The following HEBP2 variants were observed in gnomAD, a reference collection of about 807,000 sequenced individuals.
The protein encoded by HEBP2 is heme binding protein 2.
Under a neutral mutation model 23.1 loss-of-function variants are expected in HEBP2, and 27 were observed. The observed-to-expected ratio is 1.17, with a 90% CI of 0.86 to 1.61. HEBP2 has a LOEUF of 1.61. Ranked by LOEUF, HEBP2 falls within the 40% of genes most tolerant of loss-of-function variation. The pLI is 0.00. For synonymous variants in HEBP2, 99 were observed against 95.1 expected (o/e 1.04, Z -0.24); for missense variants, 245 against 253.8 (o/e 0.97, Z 0.24).
chr6:138,403,802 G>A (rs1171401186), upstream of HEBP2: 9 of 401,068 alleles, frequency 2.2e-5, no homozygotes, highest in East Asian at 3.2e-4. Context: ...GGGTCCTGTC[G>A]GGGAAAAGTT....
chr6:138,412,856 G>A (rs776256693), intron 3 of HEBP2, 24 bp from the exon 4 acceptor site: 7 of 1,593,604 alleles, frequency 4.4e-6, no homozygotes, highest in Middle Eastern at 1.9e-4. Context: ...AATCATTCAC[G>A]GTTATTTCCT....
At chr6:138,412,844 A>T in intron 3 of HEBP2, 36 bp from the exon 4 acceptor site, 1 of 1,565,802 alleles carries the variant, frequency 6.4e-7, no homozygotes, top group Non-Finnish European at 8.8e-7. Flanking sequence ...CATCAGTATT[A>T]AAATCATTCA....
chr6:138,405,363 A>G, intron 2 of HEBP2, 83 bp downstream of exon 2: 2 of 1,517,602 alleles, frequency 1.3e-6, no homozygotes, highest in Admixed American at 2.0e-5. Flanking sequence ...TTAAAGAAAT[A>G]TCCTTTATAA....
At position 138,411,646 on chromosome 6, in the gene HEBP2, A is replaced by T. The variant is rs563447519; in HGVS notation, c.420-1234A>T. ...TCCTCAACGCTCCCACAACACTTTG[A>T]TCCTGTCCCTGTTTAAAACCCTTCT... On this transcript the variant is annotated intron_variant, in intron 3 of 3. Transcript: ENST00000607197. Among the ~76,000 whole-genome samples the T allele has an allele frequency of 1.8e-4, 28 of 152,270 alleles. No individual in the cohort carries two copies. In the South Asian group the frequency reaches 5.2e-3, roughly 28 times the overall value.
rs1271398980 is a variant in HEBP2 at position 138,416,043 on chromosome 6, C to G, written c.*2965C>G. ...ACATAACTGATTGCGGCTGAGGGGTCTGATGAGGGAGAAATGGGATCTATG... is the reference window on the plus strand; with the variant it reads ...ACATAACTGATTGCGGCTGAGGGGTGTGATGAGGGAGAAATGGGATCTATG... On this transcript the variant is annotated 3_prime_UTR_variant, in exon 4 of 4. Transcript: ENST00000607197. The G allele has an allele frequency of 6.6e-6, 1 of 152,276 alleles. No individual in the cohort carries two copies. The highest frequency in any genetic ancestry group is 2.4e-5 in the African/African-American group (1 of 41,422). The allele number at this position is 152,276 out of a possible 1,614,324, so 9.4% of individuals were successfully genotyped here. A position where few individuals can be genotyped will look rare whatever the true frequency, so the allele number is the denominator to read the frequency against.
At chr6:138,410,015 C>G (rs905506652) in intron 3 of HEBP2, among the ~76,000 whole-genome samples, 1 of 152,192 alleles carries the variant, frequency 6.6e-6, no homozygotes, top group Non-Finnish European at 1.5e-5. Flanking sequence ...CTCTAGTACT[C>G]TCTTTTTCCT....
rs1252195168 is a variant in HEBP2 at position 138,419,756 on chromosome 6, C to CT, written c.*6680dup. 1.3e-5 allele frequency: 2 copies of CT among 152,234 alleles called. No individual in the cohort carries two copies. The highest frequency in any genetic ancestry group is 4.8e-5 in the African/African-American group (2 of 41,456). The allele number at this position is 152,234 out of a possible 1,614,324, so 9.4% of individuals were successfully genotyped here. A position where few individuals can be genotyped will look rare whatever the true frequency, so the allele number is the denominator to read the frequency against. Reference sequence around the variant, plus strand: ...AGGAGTGGAGGCAGGAGTGACCCCACTTACCATCGCACCCAACGAACCACT... The same window carrying CT: ...AGGAGTGGAGGCAGGAGTGACCCCACTTTACCATCGCACCCAACGAACCACT... On this transcript the variant is annotated 3_prime_UTR_variant, in exon 4 of 4. Transcript: ENST00000607197.
rs767881534 is a variant in HEBP2, at chr6:138,416,895, C to T, written c.*3817C>T. The T allele has an allele frequency of 5.3e-5, 8 of 152,174 alleles. No individual in the cohort carries two copies. In the South Asian group the frequency reaches 1.4e-3, roughly 28 times the overall value. The allele number at this position is 152,174 out of a possible 1,614,324, so 9.4% of individuals were successfully genotyped here. On this transcript the variant is annotated 3_prime_UTR_variant, in exon 4 of 4. Transcript: ENST00000607197. The stretch of plus-strand genomic sequence containing the variant: ...TCTAGTTCAGTTTTCTGACCTAGAG[C>T]TCATTAATTGCAGAGGTGACTGTAT...
Position 138,414,627 on chromosome 6 carries a change from G to A in HEBP2, c.*1549G>A, listed in dbSNP as rs1029967725. 1 of 152,150 alleles carries A rather than the reference G, an allele frequency of 6.6e-6. No homozygotes were observed. Among genetic ancestry groups the A allele is most frequent in the African/African-American group, 2.4e-5 (1 of 41,416 alleles). The allele number at this position is 152,150 out of a possible 1,614,324, so 9.4% of individuals were successfully genotyped here. On this transcript the variant is annotated 3_prime_UTR_variant, in exon 4 of 4. Coordinates refer to ENST00000607197, the MANE Select transcript of HEBP2 (RefSeq NM_014320.3). Reference sequence around the variant, plus strand: ...CCCCGTTACCGTCTTCAGGGTCCACGCCAGATTTCAAGATAAGGACACACT... The same window carrying A: ...CCCCGTTACCGTCTTCAGGGTCCACACCAGATTTCAAGATAAGGACACACT...
rs768914641 is a variant in HEBP2, at chr6:138,412,921, A to T, written c.461A>T (p.Gln154Leu). The T allele has an allele frequency of 2.7e-5, 43 of 1,614,036 alleles. No homozygotes were observed. Among genetic ancestry groups the T allele is most frequent in the Non-Finnish European group, 3.6e-5 (42 of 1,180,014 alleles). The change falls in exon 4 of 4, where the codon CAA (glutamine) becomes CTA (leucine). Residue 154 changes from glutamine to leucine, a missense_variant. Transcript: ENST00000607197. ...TCTAGTGCCCAAAAGAATCAAGAAC[A>T]ACTTTTGACATTAGCAAGCATTTTA... Reference protein sequence around the residue: ...GFSSAQKNQEQLLTLASILRE... With the variant: ...GFSSAQKNQELLLTLASILRE...
At position 138,412,983 on chromosome 6, in the gene HEBP2, T is replaced by C. The variant is rs1554216369; in HGVS notation, c.523T>C (p.Tyr175His). Residue 175 changes from tyrosine to histidine, a missense_variant, in exon 4 of 4, where the codon TAC becomes CAC. By Grantham distance (83) the Tyr-to-His change is moderately conservative. Transcript: ENST00000607197. ...DGKVFDEKVY[Y>H]TAGYNSPVKL... Reference sequence around the variant, plus strand: ...AAAAGTTTTCGATGAGAAGGTTTACTACACTGCAGGCTACAACAGTCCTGT... The same window carrying C: ...AAAAGTTTTCGATGAGAAGGTTTACCACACTGCAGGCTACAACAGTCCTGT... The C allele has an allele frequency of 3.7e-6, 6 of 1,613,932 alleles. No homozygotes were observed. The highest frequency in any genetic ancestry group is 4.5e-5 in the East Asian group (2 of 44,900).
chr6:138,405,142 T>G lies in HEBP2; in HGVS notation c.103-3T>G, dbSNP rs1774620058. ...TCTCGAAGTTTTCTCTGTTCCACTT[T>G]AGCCCGGAAGTTATGAGATCCGACA... On this transcript the variant is annotated splice_polypyrimidine_tract_variant and splice_region_variant and intron_variant, in intron 1 of 3. Transcript: ENST00000607197. The G allele has an allele frequency of 4.4e-6, 7 of 1,608,640 alleles. No individual in the cohort carries two copies. The highest frequency in any genetic ancestry group is 5.9e-6 in the Non-Finnish European group (7 of 1,178,638).
rs1261140542 is a variant in HEBP2 at position 138,421,106 on chromosome 6, A to G, written c.*8028A>G. On this transcript the variant is annotated 3_prime_UTR_variant, in exon 4 of 4. Coordinates refer to ENST00000607197, the MANE Select transcript of HEBP2 (RefSeq NM_014320.3). ...CAGTTACCGAGTGGCTTATTAAGGA[A>G]AGTGGCGCAACAATCAGGTCCATGT... 6.6e-6 allele frequency: 1 copy of G among 152,198 alleles called. No individual in the cohort carries two copies. The highest frequency in any genetic ancestry group is 1.5e-5 in the Non-Finnish European group (1 of 68,036). 9.4% of individuals were successfully genotyped at this position (152,198 alleles called of 1,614,324 possible). A position where few individuals can be genotyped will look rare whatever the true frequency, so the allele number is the denominator to read the frequency against.
In HEBP2 at chr6:138,405,147, CG is replaced by C. The variant is rs750794680; in HGVS notation, c.107del (p.Gly36GlufsTer34). ...KAPEDAGPQP[G>X]SYEIRHYGPA... is the part of the protein sequence containing the mutation. Reference sequence around the variant, plus strand: ...AAGTTTTCTCTGTTCCACTTTAGCCCGGAAGTTATGAGATCCGACACTATGG... The same window carrying C: ...AAGTTTTCTCTGTTCCACTTTAGCCCGAAGTTATGAGATCCGACACTATGG... On this transcript the variant is annotated frameshift_variant, in exon 2 of 4. Transcript: ENST00000607197. LOFTEE classifies it high-confidence loss of function. 6.2e-7 allele frequency: 1 copy of C among 1,609,504 alleles called. No homozygotes were observed. The highest frequency in any genetic ancestry group is 1.1e-5 in the South Asian group (1 of 89,990).
At chr6:138,412,180 T>C (rs1310344786) in intron 3 of HEBP2, 1 of 375,854 alleles carries the variant, frequency 2.7e-6, no homozygotes, top group Non-Finnish European at 5.2e-6. Flanking sequence ...AGCACCGGCA[T>C]GGATGTGGGA....
intron 3 of HEBP2, among the ~76,000 whole-genome samples, chr6:138,408,297 A>C (rs1045426533): frequency 6.6e-6 from 1 of 152,238 alleles, no homozygotes; most frequent in Non-Finnish European, 1.5e-5. Flanking sequence ...GTATTTTACT[A>C]TCAAGAGAAG....
In HEBP2 at chr6:138,413,286, G is replaced by A. The variant is rs1303418031; in HGVS notation, c.*208G>A. The stretch of plus-strand genomic sequence containing the variant: ...ACAGTAGTCTGTAAACATATAAATC[G>A]GTCATAACTATCGTGGTCTTTATTT... On this transcript the variant is annotated 3_prime_UTR_variant, in exon 4 of 4. Coordinates refer to ENST00000607197, the MANE Select transcript of HEBP2 (RefSeq NM_014320.3). 13 of 497,840 alleles carry A rather than the reference G, an allele frequency of 2.6e-5. No individual in the cohort carries two copies. The highest frequency in any genetic ancestry group is 4.3e-5 in the Non-Finnish European group (12 of 279,156). The allele number at this position is 497,840 out of a possible 1,614,324, so 30.8% of individuals were successfully genotyped here. A position where few individuals can be genotyped will look rare whatever the true frequency, so the allele number is the denominator to read the frequency against.
At chr6:138,404,707 C>T in intron 1 of HEBP2, 110 bp downstream of exon 1, 2 of 622,110 alleles carry the variant, frequency 3.2e-6, no homozygotes, top group Non-Finnish European at 4.7e-6. Context: ...TTAAATGGTC[C>T]CAGTCCCTAC....
intron 3 of HEBP2, among the ~76,000 whole-genome samples, chr6:138,408,796 G>A (rs578043373): frequency 1.3e-5 from 2 of 152,172 alleles, no homozygotes; most frequent in African/African-American, 2.4e-5. Flanking sequence ...TTTCATAGCC[G>A]ACTTGTTCTG....
Sources: allele counts gnomAD v4.1 joint callset (sites outside exome capture counted in the v4.1 genomes callset), GRCh38; gene constraint gnomAD v4.1.1; transcripts MANE v1.5; gene names NCBI Gene and HGNC (gene_info 2026-07-23, HGNC 2026-07-21).